PSPH: variants seen among roughly 807,000 people sequenced by gnomAD.
PSPH encodes L-3-phosphoserine phosphatase.
In PSPH, 16 loss-of-function variants were observed where a neutral mutation model predicts 23.4. The observed-to-expected ratio is 0.68, with a 90% CI of 0.46 to 1.04. The LOEUF (loss-of-function observed/expected upper bound fraction) is 1.04. PSPH is among the 50% of genes least tolerant of loss of function. The probability of loss-of-function intolerance (pLI) is 0.00; values close to 1 mark genes in which losing one functional copy is unlikely to be tolerated. For synonymous variants in PSPH, 68 were observed against 99.7 expected, an observed-to-expected ratio of 0.68 and a Z score of 1.89; for missense variants, 223 against 273.7, an observed-to-expected ratio of 0.81 and a Z score of 1.31.
intron 3 of PSPH, among the ~76,000 whole-genome samples, chr7:56,022,892 C>G (rs6974880): frequency 3.9e-5 from 6 of 152,130 alleles, no homozygotes; most frequent in Non-Finnish European, 7.3e-5. Flanking sequence ...AACCCCATCT[C>G]TACTAAAAAA....
chr7:56,026,488 C>CAAAAA (rs56089644), intron 3 of PSPH, among the ~76,000 whole-genome samples: 6 of 70,340 alleles, frequency 8.5e-5, no homozygotes, highest in African/African-American at 1.2e-4. Flanking sequence ...GACTCCATCT[C>CAAAAA]AAAAAAAAAA....
In PSPH at chr7:56,019,208, C is replaced by G. The variant is rs75092625; in HGVS notation, c.275+392G>C. 1.4e-4 allele frequency among the ~76,000 whole-genome samples: 22 copies of G among 152,076 alleles called. No homozygotes were observed. The East Asian group carries it at 3.9e-3, about 27-fold the overall frequency. The stretch of plus-strand genomic sequence containing the variant: ...TATAATCCCAGCACTTTGGGAGGCC[C>G]AGGCAGGCAGATCATTTGAGGTCAA... On this transcript the variant is annotated intron_variant, in intron 5 of 7. Transcript: ENST00000275605.
chr7:56,012,643 G>A (rs1487797091), intron 7 of PSPH, among the ~76,000 whole-genome samples: 1 of 151,394 alleles, frequency 6.6e-6, no homozygotes, highest in Non-Finnish European at 1.5e-5. Context: ...ACTCAAAGGC[G>A]GCTGGGTGTG....
intron 3 of PSPH, among the ~76,000 whole-genome samples, chr7:56,022,796 C>T (rs983088048): frequency 2.0e-5 from 3 of 152,274 alleles, no homozygotes; most frequent in Non-Finnish European, 4.4e-5. Flanking sequence ...CGGTGGCTCA[C>T]GCCTGTAATC....
chr7:56,045,133 G>A lies in PSPH; in HGVS notation c.-292+6005C>T, dbSNP rs536778109. Among the ~76,000 whole-genome samples, 5 of 150,804 alleles carry A rather than the reference G, an allele frequency of 3.3e-5. No homozygotes were observed. In the East Asian group the frequency reaches 9.8e-4, roughly 30 times the overall value. On this transcript the variant is annotated intron_variant, in intron 1 of 7. Transcript: ENST00000275605. ...ATACTGATACAAATTCATTCATTCA[G>A]TCAGTCATTCATGGAGGAGAAGGGA...
At chr7:56,022,939 G>A (rs1394226473) in intron 3 of PSPH, among the ~76,000 whole-genome samples, 1 of 152,042 alleles carries the variant, frequency 6.6e-6, no homozygotes, top group Non-Finnish European at 1.5e-5. Context: ...TGCACCTGTA[G>A]TCCCAGCTTC....
chr7:56,040,944 G>T lies in PSPH; in HGVS notation c.-291-6838C>A, dbSNP rs544426253. 2.0e-4 allele frequency among the ~76,000 whole-genome samples: 31 copies of T among 152,186 alleles called. 1 individual carries two copies. The highest frequency in any genetic ancestry group is 6.5e-4 in the African/African-American group (27 of 41,546). On this transcript the variant is annotated intron_variant, in intron 1 of 7. Transcript: ENST00000275605. ...AGTGGAAACCCTTGTAACCCAAGGG[G>T]TAAAGGGCATCTCTCCTGGCCTGAA...
rs185766300 is a variant in PSPH at position 56,038,027 on chromosome 7, G to A, written c.-291-3921C>T. ...CGTGCCCAGCCACAAATTTTCTCAT[G>A]GCTAATTATATTAGAATCATGTACT... On this transcript the variant is annotated intron_variant, in intron 1 of 7. Coordinates refer to ENST00000275605, the MANE Select transcript of PSPH (RefSeq NM_004577.4). Among the ~76,000 whole-genome samples the A allele has an allele frequency of 7.9e-4, 119 of 151,528 alleles. 1 individual carries two copies. The highest frequency in any genetic ancestry group is 2.8e-4 in the Non-Finnish European group (19 of 67,838).
At chr7:56,048,031 C>T (rs553510963) in intron 1 of PSPH, among the ~76,000 whole-genome samples, 1 of 152,080 alleles carries the variant, frequency 6.6e-6, no homozygotes, top group Non-Finnish European at 1.5e-5. Flanking sequence ...GTAATCCCGG[C>T]ACTTTGGGAG....
chr7:56,045,752 G>A, intron 1 of PSPH, among the ~76,000 whole-genome samples: 1 of 151,738 alleles, frequency 6.6e-6, no homozygotes. Flanking sequence ...TGGGTGTGGT[G>A]GTGCATGCCT....
At chr7:56,014,365 T>C (rs1309229481) in intron 7 of PSPH, among the ~76,000 whole-genome samples, 1 of 152,206 alleles carries the variant, frequency 6.6e-6, no homozygotes, top group Admixed American at 6.5e-5. Flanking sequence ...AGGTTTTTAG[T>C]TCCTTATTCA....
intron 2 of PSPH, among the ~76,000 whole-genome samples, chr7:56,032,851 C>T (rs1791211269): frequency 6.6e-6 from 1 of 151,486 alleles, no homozygotes; most frequent in South Asian, 2.1e-4. Flanking sequence ...ACTTGGGAGG[C>T]TGAGGCAGGA....
At chr7:56,048,131 T>C (rs1166057598) in intron 1 of PSPH, among the ~76,000 whole-genome samples, 7 of 151,872 alleles carry the variant, frequency 4.6e-5, no homozygotes, top group Non-Finnish European at 7.4e-5. Flanking sequence ...GTACAAAAAT[T>C]AGCCCGGCAT....
intron 6 of PSPH, 22 bp downstream of exon 6, chr7:56,017,212 C>T (rs1368986514): frequency 1.2e-6 from 2 of 1,613,718 alleles, no homozygotes; most frequent in Non-Finnish European, 1.7e-6. Flanking sequence ...AGAAAGGGAA[C>T]ATGTTACTGT....
At chr7:56,035,164 A>G (rs1394113237) in intron 1 of PSPH, among the ~76,000 whole-genome samples, 3 of 152,032 alleles carry the variant, frequency 2.0e-5, no homozygotes, top group Non-Finnish European at 4.4e-5. Flanking sequence ...AACATGGCAA[A>G]ACTCCATCTC....
intron 3 of PSPH, among the ~76,000 whole-genome samples, chr7:56,024,617 A>G (rs1271089888): frequency 6.6e-6 from 1 of 151,588 alleles, no homozygotes; most frequent in Non-Finnish European, 1.5e-5. Flanking sequence ...GTGTAGTGGC[A>G]CACACCTATA....
chr7:56,038,263 C>T (rs1269395213), intron 1 of PSPH, among the ~76,000 whole-genome samples: 2 of 143,288 alleles, frequency 1.4e-5, no homozygotes, highest in Admixed American at 7.1e-5. Context: ...ACGGTGAAAC[C>T]CCGTCTCTAC....
chr7:56,050,115 T>C lies in PSPH; in HGVS notation c.-292+1023A>G, dbSNP rs139838476. Among the ~76,000 whole-genome samples, 228 of 152,284 alleles carry C rather than the reference T, an allele frequency of 1.5e-3. 1 individual carries two copies. The highest frequency in any genetic ancestry group is 3.5e-3 in the South Asian group (17 of 4,824). Reference sequence around the variant, plus strand: ...TGCCTATGGAACTAATAACTAGTCTTCTATCGTGCAGTGCTACTAGTCACA... The same window carrying C: ...TGCCTATGGAACTAATAACTAGTCTCCTATCGTGCAGTGCTACTAGTCACA... On this transcript the variant is annotated intron_variant, in intron 1 of 7. Coordinates refer to ENST00000275605, the MANE Select transcript of PSPH (RefSeq NM_004577.4).
chr7:56,027,500 C>T (rs970365943), intron 3 of PSPH, among the ~76,000 whole-genome samples: 14 of 149,144 alleles, frequency 9.4e-5, no homozygotes, highest in Non-Finnish European at 1.8e-4. Context: ...CCAAGGCAGG[C>T]GAATCACAAG....
Sources: allele counts gnomAD v4.1 joint callset (sites outside exome capture counted in the v4.1 genomes callset), GRCh38; gene constraint gnomAD v4.1.1; transcripts MANE v1.5; gene names NCBI Gene and HGNC (gene_info 2026-07-23, HGNC 2026-07-21).